The following PCDH15 variants were observed in gnomAD, a reference collection of about 807,000 sequenced individuals.
PCDH15 encodes protocadherin-15.
PCDH15 carries 129 observed loss-of-function variants against 178.5 expected under a neutral mutation model. The observed-to-expected ratio is 0.72, with a 90% CI of 0.63 to 0.84. PCDH15 has a LOEUF of 0.84. Ranked by LOEUF, PCDH15 falls within the 40% of genes least tolerant of loss-of-function variation. The pLI is 0.00. For synonymous variants in PCDH15, 800 were observed against 732.0 expected (o/e 1.09, Z -1.50); for missense variants, 2,230 against 2,099.9 (o/e 1.06, Z -1.21).
At chr10:55,286,415 G>A (rs1011352110) in intron 1 of PCDH15, among the ~76,000 whole-genome samples, 3 of 151,404 alleles carry the variant, frequency 2.0e-5, no homozygotes, top group African/African-American at 7.3e-5. Context: ...TTTCTTTGCA[G>A]TACATAAGTT....
chr10:54,044,842 T>C (rs2093626171), intron 18 of PCDH15, among the ~76,000 whole-genome samples: 1 of 152,166 alleles, frequency 6.6e-6, no homozygotes, highest in African/African-American at 2.4e-5. Flanking sequence ...ATTTGAAGTA[T>C]GAGTTGCTTT....
At chr10:55,253,229 CGTGTGT>C (rs879700043) in intron 1 of PCDH15, among the ~76,000 whole-genome samples, 2 of 125,464 alleles carry the variant, frequency 1.6e-5, no homozygotes, top group Non-Finnish European at 3.5e-5. Context: ...AGAGTATGTG[CGTGTGT>C]GTGTGTGTGT....
chr10:54,936,395 T>C (rs1837908655), intron 2 of PCDH15, among the ~76,000 whole-genome samples: 1 of 152,006 alleles, frequency 6.6e-6, no homozygotes, highest in Non-Finnish European at 1.5e-5. Flanking sequence ...GGTATATATC[T>C]AGGAGTGGAA....
intron 13 of PCDH15, among the ~76,000 whole-genome samples, chr10:54,156,255 T>C (rs2045134874): frequency 6.6e-6 from 1 of 152,176 alleles, no homozygotes; most frequent in South Asian, 2.1e-4. Context: ...TGTTTCAACA[T>C]GTGCATATTC....
chr10:55,530,928 T>C (rs1841438274), intron 2 of PCDH15, among the ~76,000 whole-genome samples: 1 of 152,032 alleles, frequency 6.6e-6, no homozygotes, highest in African/African-American at 2.4e-5. Flanking sequence ...CATTCAGTGA[T>C]GCCATGCTGG....
chr10:54,971,651 T>G (rs116313313), intron 2 of PCDH15, among the ~76,000 whole-genome samples: 1 of 152,194 alleles, frequency 6.6e-6, no homozygotes, highest in South Asian at 2.1e-4. Flanking sequence ...ACACAGACAC[T>G]CTTCCTCCCA....
At chr10:54,096,213 T>A (rs1252290951) in intron 15 of PCDH15, among the ~76,000 whole-genome samples, 1 of 151,914 alleles carries the variant, frequency 6.6e-6, no homozygotes, top group Non-Finnish European at 1.5e-5. Flanking sequence ...TCCCTTCACC[T>A]GCTTGCTTGA....
At chr10:54,172,071 G>A (rs1040040133) in intron 13 of PCDH15, among the ~76,000 whole-genome samples, 1 of 152,062 alleles carries the variant, frequency 6.6e-6, no homozygotes, top group African/African-American at 2.4e-5. Context: ...AGGCCTCTGA[G>A]CTCAAGCCAA....
intron 2 of PCDH15, among the ~76,000 whole-genome samples, chr10:54,903,637 C>T (rs1954675674): frequency 6.6e-6 from 1 of 151,564 alleles, no homozygotes; most frequent in Admixed American, 6.6e-5. Context: ...AACTGTAATC[C>T]AGTATTAGAA....
chr10:54,796,014 T>C (rs1483737777), intron 1 of PCDH15, among the ~76,000 whole-genome samples: 1 of 151,830 alleles, frequency 6.6e-6, no homozygotes, highest in Non-Finnish European at 1.5e-5. Context: ...CTCAGAGAAG[T>C]TAAACAACTT....
At chr10:54,918,445 A>G (rs1481243619) in intron 2 of PCDH15, among the ~76,000 whole-genome samples, 2 of 152,192 alleles carry the variant, frequency 1.3e-5, no homozygotes, top group African/African-American at 4.8e-5. Flanking sequence ...TAGAATGTTA[A>G]ATAGACTAAA....
chr10:55,055,154 G>A (rs961106077), intron 2 of PCDH15, among the ~76,000 whole-genome samples: 2 of 152,072 alleles, frequency 1.3e-5, no homozygotes, highest in South Asian at 2.1e-4. Context: ...TGGGTTTTAC[G>A]TTTCAGTCTT....
intron 1 of PCDH15, among the ~76,000 whole-genome samples, chr10:55,263,715 A>AT (rs1383062989): frequency 5.3e-5 from 8 of 151,086 alleles, no homozygotes; most frequent in South Asian, 2.1e-4. Flanking sequence ...TTTAAACTGT[A>AT]TTTTTTAATT....
chr10:55,502,033 T>C (rs1840668577), intron 2 of PCDH15, among the ~76,000 whole-genome samples: 1 of 151,676 alleles, frequency 6.6e-6, no homozygotes, highest in Non-Finnish European at 1.5e-5. Flanking sequence ...CTATGTGTGA[T>C]ACCTAGACCA....
chr10:55,132,304 T>C (rs1232199622), intron 2 of PCDH15, among the ~76,000 whole-genome samples: 1 of 152,228 alleles, frequency 6.6e-6, no homozygotes, highest in East Asian at 1.9e-4. Context: ...ACTGAAAGTT[T>C]ACAAAAATTG....
At chr10:55,303,102 T>C (rs201775592) in intron 1 of PCDH15, among the ~76,000 whole-genome samples, 1 of 151,790 alleles carries the variant, frequency 6.6e-6, no homozygotes, top group Non-Finnish European at 1.5e-5. Context: ...TATATATATA[T>C]ATACACACAC....
intron 13 of PCDH15, among the ~76,000 whole-genome samples, chr10:54,159,574 T>C (rs1187025351): frequency 6.6e-6 from 1 of 152,182 alleles, no homozygotes; most frequent in Non-Finnish European, 1.5e-5. Context: ...ACCCTAAATA[T>C]ATAAAATAGT....
At chr10:53,981,525 A>C (rs1387733430) in intron 21 of PCDH15, among the ~76,000 whole-genome samples, 1 of 151,998 alleles carries the variant, frequency 6.6e-6, no homozygotes, top group African/African-American at 2.4e-5. Context: ...CATATCTACA[A>C]CTATCTGATC....
chr10:54,800,139 A>G (rs1416849991), intron 1 of PCDH15, among the ~76,000 whole-genome samples: 1 of 152,154 alleles, frequency 6.6e-6, no homozygotes, highest in African/African-American at 2.4e-5. Flanking sequence ...CATCAAATCG[A>G]TGGCCATCTG....
Sources: allele counts gnomAD v4.1 joint callset (sites outside exome capture counted in the v4.1 genomes callset), GRCh38; gene constraint gnomAD v4.1.1; transcripts MANE v1.5; gene names NCBI Gene and HGNC (gene_info 2026-07-23, HGNC 2026-07-21).